Variants in PDCD11 observed in about 807,000 individuals in gnomAD.
The protein encoded by PDCD11 is protein RRP5 homolog.
PDCD11 carries 97 observed loss-of-function variants against 198.9 expected under a neutral mutation model. That is an observed-to-expected ratio of 0.49 (90% CI 0.41 to 0.58). The LOEUF (loss-of-function observed/expected upper bound fraction) is 0.58. PDCD11 is among the 20% of genes least tolerant of loss of function. PDCD11 has a pLI of 0.00. For synonymous variants in PDCD11, 893 were observed against 918.0 expected (o/e 0.97, Z 0.49); for missense variants, 2,102 against 2,312.7 (o/e 0.91, Z 1.87).
At chr10:103,436,768 C>T (rs1235514674) in intron 25 of PDCD11, among the ~76,000 whole-genome samples, 1 of 152,220 alleles carries the variant, frequency 6.6e-6, no homozygotes, top group Non-Finnish European at 1.5e-5. Flanking sequence ...GAGGTTCTGT[C>T]CAGCTCTGAT....
In PDCD11 at chr10:103,400,402, T is replaced by C; in HGVS notation, c.108T>C (p.Ser36=). ...SVEQDNLFDI[S]TEEGSTKRKK... The stretch of plus-strand genomic sequence containing the variant: ...CTCCCCCTACCCGCTTCTAGATTTC[T>C]ACTGAAGAGGGATCCACCAAAAGAA... The change falls in exon 3 of 36, where the codon TCT becomes TCC. Residue 36 remains serine (S), a synonymous_variant. Transcript: ENST00000369797. 1 of 1,610,602 alleles carries C rather than the reference T, an allele frequency of 6.2e-7. No homozygotes were observed. Among genetic ancestry groups the C allele is most frequent in the South Asian group, 1.1e-5 (1 of 90,204 alleles).
intron 8 of PDCD11, 36 bp downstream of exon 8, chr10:103,409,842 G>A (rs542160878): frequency 7.3e-6 from 11 of 1,500,156 alleles, no homozygotes; most frequent in Non-Finnish European, 1.0e-5. Flanking sequence ...CTTGATTCCA[G>A]TTGTGGTCCA....
intron 3 of PDCD11, among the ~76,000 whole-genome samples, chr10:103,401,868 GAGTAGCTGGGACTACAGGCGCCCGCCACC>G (rs2030093147): frequency 6.6e-6 from 1 of 151,870 alleles, no homozygotes; most frequent in Admixed American, 6.6e-5. Flanking sequence ...TCAGCCTCCT[GAGTAGCTGGGACTACAGGCGCCCGCCACC>G]ACGCCCAGCT....
Position 103,416,747 on chromosome 10 carries a change from C to T in PDCD11, c.1770+5C>T. ...AGAGTTTTTTACACTGGCCAGGTAA[C>T]CCTTCCCCTAGACAGGTCCCCTTTA... On this transcript the variant is annotated splice_donor_5th_base_variant and intron_variant, in intron 13 of 35. Coordinates refer to ENST00000369797, the MANE Select transcript of PDCD11 (RefSeq NM_014976.2). 6.2e-7 allele frequency: 1 copy of T among 1,612,572 alleles called. No homozygotes were observed. The highest frequency in any genetic ancestry group is 8.5e-7 in the Non-Finnish European group (1 of 1,179,108).
intron 16 of PDCD11, among the ~76,000 whole-genome samples, chr10:103,420,212 C>T (rs556717152): frequency 2.0e-5 from 3 of 151,944 alleles, no homozygotes; most frequent in Non-Finnish European, 2.9e-5. Context: ...TTCCTCTCGC[C>T]CAGCTGTGTG....
Position 103,444,726 on chromosome 10 carries a change from C to T in PDCD11, c.5444+44C>T, listed in dbSNP as rs376705145. The T allele has an allele frequency of 1.7e-5, 27 of 1,580,094 alleles. No homozygotes were observed. In the African/African-American group the frequency reaches 2.7e-4, roughly 16 times the overall value. On this transcript the variant is annotated intron_variant, in intron 35 of 35. Transcript: ENST00000369797. Reference sequence around the variant, plus strand: ...CAAGGCCGAGTTCCTCAGGAGAGGGCGTGGTAGGCACTGGTCCCACAGCAG... The same window carrying T: ...CAAGGCCGAGTTCCTCAGGAGAGGGTGTGGTAGGCACTGGTCCCACAGCAG...
At chr10:103,403,367 A>G in intron 4 of PDCD11, 82 bp downstream of exon 4, 2 of 1,306,338 alleles carry the variant, frequency 1.5e-6, no homozygotes, top group Admixed American at 2.0e-5. Flanking sequence ...GCCAGGTGCT[A>G]AGAAGGGAAA....
chr10:103,402,901 T>TC (rs949609021), intron 3 of PDCD11, among the ~76,000 whole-genome samples: 2 of 152,120 alleles, frequency 1.3e-5, no homozygotes, highest in Non-Finnish European at 2.9e-5. Flanking sequence ...GCCTGGCTAA[T>TC]CTTTTTTTTT....
At chr10:103,434,175 G>A in intron 23 of PDCD11, 73 bp from the exon 24 acceptor site, 1 of 1,223,796 alleles carries the variant, frequency 8.2e-7, no homozygotes, top group Non-Finnish European at 1.2e-6. Flanking sequence ...TTGCTTTGGA[G>A]ACTTAAATGC....
At position 103,434,839 on chromosome 10, in the gene PDCD11, G is replaced by A. The variant is rs1435220750; in HGVS notation, c.3709G>A (p.Val1237Met). 1 of 1,612,284 alleles carries A rather than the reference G, an allele frequency of 6.2e-7. No individual in the cohort carries two copies. Among genetic ancestry groups the A allele is most frequent in the Non-Finnish European group, 8.5e-7 (1 of 1,179,260 alleles). The change falls in exon 25 of 36, where the codon GTG becomes ATG. Residue 1237 changes from valine (V) to methionine (M), a missense_variant. Coordinates refer to ENST00000369797, the MANE Select transcript of PDCD11 (RefSeq NM_014976.2). Reference sequence around the variant, plus strand: ...GGAAGGGGAAGTGGCCATGGGCCGAGTGGTGAAGGTGACTCCCAACGAGGG... The same window carrying A: ...GGAAGGGGAAGTGGCCATGGGCCGAATGGTGAAGGTGACTCCCAACGAGGG... ...LEEGEVAMGR[V>M]VKVTPNEGLT...
Position 103,438,780 on chromosome 10 carries a change from T to G in PDCD11, c.3997T>G (p.Ser1333Ala). The G allele has an allele frequency of 1.2e-6, 2 of 1,614,010 alleles. No individual in the cohort carries two copies. Among genetic ancestry groups the G allele is most frequent in the Non-Finnish European group, 8.5e-7 (1 of 1,179,998 alleles). ...GCAGCTTCTGAGGGGCTATGTAGGG[T>G]CCATCCAGCCACACGGTGTGTTCTT... is the stretch of plus-strand genomic sequence containing the variant. ...EGQLLRGYVGSIQPHGVFFRL... is the reference protein window; with the variant it reads ...EGQLLRGYVGAIQPHGVFFRL... The change falls in exon 27 of 36, where the codon TCC (serine) becomes GCC (alanine). Residue 1333 changes from serine to alanine, a missense_variant. Ser to Ala is a moderately conservative substitution (Grantham distance 99, BLOSUM62 1). Transcript: ENST00000369797.
In PDCD11 at chr10:103,405,064, G is replaced by A; in HGVS notation, c.445G>A (p.Val149Ile). 6.2e-7 allele frequency: 1 copy of A among 1,614,114 alleles called. No individual in the cohort carries two copies. Among genetic ancestry groups the A allele is most frequent in the Non-Finnish European group, 8.5e-7 (1 of 1,179,976 alleles). ...TGAACTTTTCTCACCTGGAATGCTG[G>A]TAAGATGTGTGGTGAGCAGTCTGGG... ...LPELFSPGML[V>I]RCVVSSLGIT... Residue 149 changes from valine to isoleucine, a missense_variant, in exon 5 of 36, where the codon GTA (valine) becomes ATA (isoleucine). Transcript: ENST00000369797.
Position 103,421,529 on chromosome 10 carries a change from A to G in PDCD11, c.2459A>G (p.Glu820Gly). ...CTCCTCCTCCTGAATCAGTGCCTGGAGGAGCTGCAGGGCGTGCGCAGCCTT... is the reference window on the plus strand; with the variant it reads ...CTCCTCCTCCTGAATCAGTGCCTGGGGGAGCTGCAGGGCGTGCGCAGCCTT... Reference protein sequence around the residue: ...TSLLLLNQCLEELQGVRSLMS... With the variant: ...TSLLLLNQCLGELQGVRSLMS... Residue 820 changes from glutamate (E) to glycine (G), a missense_variant, in exon 17 of 36, where the codon GAG (glutamate) becomes GGG (glycine). Physicochemically the swap from Glu to Gly is moderately conservative, Grantham distance 98. Transcript: ENST00000369797. 6.4e-7 allele frequency: 1 copy of G among 1,569,878 alleles called. No individual in the cohort carries two copies. Among genetic ancestry groups the G allele is most frequent in the Non-Finnish European group, 8.6e-7 (1 of 1,156,302 alleles).
At chr10:103,409,070 G>C (rs950650265) in intron 7 of PDCD11, among the ~76,000 whole-genome samples, 3 of 152,158 alleles carry the variant, frequency 2.0e-5, no homozygotes, top group African/African-American at 7.2e-5. Flanking sequence ...ATATTTACAT[G>C]ATATTTAGAA....
intron 21 of PDCD11, among the ~76,000 whole-genome samples, chr10:103,427,968 T>C (rs553784542): frequency 1.6e-4 from 24 of 152,308 alleles, no homozygotes; most frequent in African/African-American, 5.5e-4. Context: ...TCCAGCCAGG[T>C]TGTAAATCTT....
chr10:103,435,101 G>A (rs1346995611), intron 25 of PDCD11, 126 bp downstream of exon 25: 1 of 604,900 alleles, frequency 1.7e-6, no homozygotes, highest in Non-Finnish European at 2.5e-6. Context: ...GAAAATTTCT[G>A]TAACCCCTCT....
At chr10:103,402,847 C>G (rs2030192684) in intron 3 of PDCD11, among the ~76,000 whole-genome samples, 1 of 152,184 alleles carries the variant, frequency 6.6e-6, no homozygotes, top group Admixed American at 6.5e-5. Context: ...CTCAAGCGAT[C>G]CACTCACCTC....
At chr10:103,439,690 G>A (rs753382964) in intron 27 of PDCD11, 56 bp from the exon 28 acceptor site, 30 of 1,609,868 alleles carry the variant, frequency 1.9e-5, no homozygotes, top group Non-Finnish European at 2.6e-5. Flanking sequence ...CCGAGGCCTG[G>A]TTGGAATTCT....
At chr10:103,424,323 A>G (rs1474126010) in intron 19 of PDCD11, among the ~76,000 whole-genome samples, 2 of 152,248 alleles carry the variant, frequency 1.3e-5, no homozygotes, top group African/African-American at 2.4e-5. Context: ...ACCTAGTTGC[A>G]CAGAGTATGG....
Sources: allele counts gnomAD v4.1 joint callset (sites outside exome capture counted in the v4.1 genomes callset), GRCh38; gene constraint gnomAD v4.1.1; transcripts MANE v1.5; gene names NCBI Gene and HGNC (gene_info 2026-07-23, HGNC 2026-07-21).